HSD17B12: variants seen among roughly 807,000 people sequenced by gnomAD.
HSD17B12 encodes the protein hydroxysteroid 17-beta dehydrogenase 12.
Under a neutral mutation model 39.3 loss-of-function variants are expected in HSD17B12, and 32 were observed. That is an observed-to-expected ratio of 0.81 (90% CI 0.61 to 1.09). HSD17B12 has a LOEUF of 1.09. HSD17B12 is among the 50% of genes least tolerant of loss of function. HSD17B12 has a pLI of 0.00. For missense variants in HSD17B12, 342 were observed against 382.9 expected, an observed-to-expected ratio of 0.89 and a Z score of 0.89; for synonymous variants, 150 against 146.7, an observed-to-expected ratio of 1.02 and a Z score of -0.16.
At chr11:43,558,535 G>A in the HSD17B12 span, among the ~76,000 whole-genome samples, 1 of 152,066 alleles carries the variant, frequency 6.6e-6, no homozygotes, top group Non-Finnish European at 1.5e-5. Context: ...ACTCTGAAGA[G>A]CAGCCACTTC....
In HSD17B12 at chr11:43,680,994, CG is replaced by C. The variant is rs750588091; in HGVS notation, c.160+9del. 10 of 1,583,238 alleles carry C rather than the reference CG, an allele frequency of 6.3e-6. No individual in the cohort carries two copies. In the African/African-American group the frequency reaches 1.3e-4, roughly 21 times the overall value. ...GGGCTCGGAGAATGGGCAGGTGAGT[CG>C]GATGCAGCGCCGCGTCCTCGCTCCC... is the stretch of plus-strand genomic sequence containing the variant. On this transcript the variant is annotated splice_region_variant and intron_variant, in intron 1 of 10. Transcript: ENST00000278353.
At chr11:43,681,717 G>A (rs534798241) in intron 1 of HSD17B12, among the ~76,000 whole-genome samples, 178 of 149,478 alleles carry the variant, frequency 1.2e-3, no homozygotes, top group Non-Finnish European at 2.3e-3. Context: ...AAGTATACCC[G>A]TAAAGAGTGA....
the HSD17B12 span, among the ~76,000 whole-genome samples, chr11:43,672,040 C>T: frequency 1.3e-5 from 2 of 151,988 alleles, no homozygotes; most frequent in East Asian, 3.8e-4. Context: ...AAGAGCCCTT[C>T]TTATTTTTTA....
At chr11:43,815,753 A>G (rs927471098) in intron 5 of HSD17B12, among the ~76,000 whole-genome samples, 1 of 152,210 alleles carries the variant, frequency 6.6e-6, no homozygotes, top group African/African-American at 2.4e-5. Context: ...ATACAGTGCC[A>G]GATTCAATAA....
chr11:43,820,833 C>A (rs911799786), intron 6 of HSD17B12, among the ~76,000 whole-genome samples: 1 of 152,200 alleles, frequency 6.6e-6, no homozygotes, highest in African/African-American at 2.4e-5. Context: ...GAGAAGGACC[C>A]CAGCATCTTA....
the HSD17B12 span, among the ~76,000 whole-genome samples, chr11:43,558,757 C>G: frequency 6.6e-6 from 1 of 150,546 alleles, no homozygotes; most frequent in Admixed American, 6.6e-5. Context: ...GCTGGGGGTG[C>G]GGGGGCGGAG....
chr11:43,726,543 G>A (rs981221106), intron 1 of HSD17B12, among the ~76,000 whole-genome samples: 2 of 152,176 alleles, frequency 1.3e-5, no homozygotes, highest in Non-Finnish European at 2.9e-5. Context: ...GCTTTCCAAT[G>A]CTAAGCATCA....
chr11:43,688,712 T>C (rs534817291), intron 1 of HSD17B12, among the ~76,000 whole-genome samples: 115 of 152,294 alleles, frequency 7.6e-4, no homozygotes, highest in African/African-American at 2.6e-3. Context: ...TGGGAAACAG[T>C]ATAGCTAACA....
intron 7 of HSD17B12, 186 bp from the exon 8 acceptor site, chr11:43,838,131 G>C: frequency 1.8e-6 from 1 of 562,396 alleles, no homozygotes; most frequent in Non-Finnish European, 3.2e-6. Context: ...GCTATTTTTA[G>C]TTGATTGAAT....
At chr11:43,792,525 ATATATG>A (rs938684240) in intron 3 of HSD17B12, among the ~76,000 whole-genome samples, 1 of 152,082 alleles carries the variant, frequency 6.6e-6, no homozygotes, top group African/African-American at 2.4e-5. Context: ...CTCAACCTTC[ATATATG>A]TGCCCCTGAG....
At chr11:43,617,669 A>C in the HSD17B12 span, among the ~76,000 whole-genome samples, 1 of 152,126 alleles carries the variant, frequency 6.6e-6, no homozygotes, top group Non-Finnish European at 1.5e-5. Context: ...GTACGCCAAA[A>C]CCAAGCCCCT....
At chr11:43,700,080 G>C (rs1949949967) in intron 1 of HSD17B12, among the ~76,000 whole-genome samples, 1 of 152,196 alleles carries the variant, frequency 6.6e-6, no homozygotes, top group Non-Finnish European at 1.5e-5. Context: ...TTATACACCA[G>C]TGGCCTTAGT....
chr11:43,673,362 T>G, the HSD17B12 span: 1 of 152,200 alleles, frequency 6.6e-6, no homozygotes, highest in South Asian at 2.1e-4. Flanking sequence ...AACTCTAAAT[T>G]TGTTAATAAA....
At chr11:43,752,585 G>T (rs760065889) in intron 2 of HSD17B12, among the ~76,000 whole-genome samples, 1 of 151,918 alleles carries the variant, frequency 6.6e-6, no homozygotes, top group Non-Finnish European at 1.5e-5. Context: ...ATGGTGGTGG[G>T]TGCTTGTAAT....
upstream of HSD17B12, among the ~76,000 whole-genome samples, chr11:43,677,305 C>G (rs975512446): frequency 2.0e-5 from 3 of 152,154 alleles, no homozygotes; most frequent in African/African-American, 4.8e-5. Context: ...AAAAAACACT[C>G]AAGTCTTGAA....
At chr11:43,620,282 A>G in the HSD17B12 span, among the ~76,000 whole-genome samples, 1 of 152,218 alleles carries the variant, frequency 6.6e-6, no homozygotes, top group South Asian at 2.1e-4. Context: ...AAATATTATT[A>G]TCATCCCCAT....
chr11:43,636,326 A>G, the HSD17B12 span, among the ~76,000 whole-genome samples: 1 of 152,162 alleles, frequency 6.6e-6, no homozygotes, highest in Non-Finnish European at 1.5e-5. Flanking sequence ...CTGTTGATTT[A>G]CTGGTAGCAA....
chr11:43,690,340 C>A (rs1237545065), intron 1 of HSD17B12, among the ~76,000 whole-genome samples: 5 of 119,140 alleles, frequency 4.2e-5, no homozygotes, highest in African/African-American at 1.6e-4. Context: ...ATGGAAATAT[C>A]TGTTAAGTAA....
chr11:43,679,750 G>A (rs1402730274), upstream of HSD17B12, among the ~76,000 whole-genome samples: 3 of 152,046 alleles, frequency 2.0e-5, no homozygotes, highest in African/African-American at 4.8e-5. Context: ...TGATGCCATC[G>A]TCTAACAGTT....
Sources: gnomAD v4.1 joint callset for allele counts (sites outside exome capture counted in the v4.1 genomes callset) on GRCh38, gnomAD v4.1.1 for gene constraint, MANE v1.5 for transcripts, NCBI Gene and HGNC (gene_info 2026-07-23, HGNC 2026-07-21) for gene names.